The following NDUFS4 variants were observed in gnomAD, a reference collection of about 807,000 sequenced individuals.
NDUFS4 encodes the protein NADH dehydrogenase [ubiquinone] iron-sulfur protein 4, mitochondrial.
A neutral mutation model predicts 24.3 loss-of-function variants in NDUFS4; 28 were observed. The ratio of observed to expected loss-of-function variants is 1.15; its 90% CI spans 0.85 to 1.58. The LOEUF (loss-of-function observed/expected upper bound fraction) is 1.58, where lower values mean the gene tolerates loss of function less well. Among genes scored for constraint, NDUFS4 ranks in the 40% most tolerant of loss-of-function variants. The pLI, the probability that NDUFS4 is intolerant of heterozygous loss-of-function variation, is 0.00. For synonymous variants in NDUFS4, 93 were observed against 69.7 expected (o/e 1.34, Z -1.67); for missense variants, 223 against 207.9 (o/e 1.07, Z -0.45).
At chr5:53,572,058 A>G (rs916504951) in intron 1 of NDUFS4, among the ~76,000 whole-genome samples, 2 of 152,222 alleles carry the variant, frequency 1.3e-5, no homozygotes, top group African/African-American at 2.4e-5. Context: ...GGGAGCTTTC[A>G]TAAGGAGATA....
chr5:53,654,834 A>G (rs1430579645), intron 3 of NDUFS4, among the ~76,000 whole-genome samples: 1 of 152,156 alleles, frequency 6.6e-6, no homozygotes, highest in African/African-American at 2.4e-5. Flanking sequence ...TAATTTTTAC[A>G]TTGTATTGAT....
chr5:53,594,872 TTG>T (rs60887057), intron 1 of NDUFS4, among the ~76,000 whole-genome samples: 17,359 of 148,210 alleles, frequency 0.12, 1,123 homozygotes, highest in Admixed American at 0.21. Flanking sequence ...ATGTCTGTGT[TTG>T]TGTGTGTGTG....
intron 4 of NDUFS4, among the ~76,000 whole-genome samples, chr5:53,659,236 T>G (rs973574664): frequency 6.6e-6 from 1 of 152,160 alleles, no homozygotes; most frequent in Non-Finnish European, 1.5e-5. Flanking sequence ...GTTATGTTGA[T>G]CTTGCTATCA....
intron 4 of NDUFS4, among the ~76,000 whole-genome samples, chr5:53,675,878 T>A (rs879920127): frequency 9.2e-5 from 14 of 152,148 alleles, no homozygotes; most frequent in Admixed American, 2.6e-4. Flanking sequence ...GATTCACCTT[T>A]TAGAGCCAAG....
At chr5:53,610,747 A>T (rs1750669060) in intron 2 of NDUFS4, among the ~76,000 whole-genome samples, 1 of 152,056 alleles carries the variant, frequency 6.6e-6, no homozygotes, top group African/African-American at 2.4e-5. Flanking sequence ...CAGGGCTTTG[A>T]TTTATTTCAT....
chr5:53,592,805 TAAC>T (rs1217973506), intron 1 of NDUFS4, among the ~76,000 whole-genome samples: 6 of 152,212 alleles, frequency 3.9e-5, no homozygotes, highest in African/African-American at 1.2e-4. Context: ...AGTCGGGTAA[TAAC>T]AGTTTTCTGA....
At chr5:53,573,551 G>A in intron 1 of NDUFS4, 1 of 450,186 alleles carries the variant, frequency 2.2e-6, no homozygotes, top group Non-Finnish European at 4.4e-6. Flanking sequence ...ATTTGGGGGA[G>A]CTGTGGTAAA....
chr5:53,581,638 G>GGTGTTTAT (rs1460256504), intron 1 of NDUFS4, among the ~76,000 whole-genome samples: 5 of 151,992 alleles, frequency 3.3e-5, no homozygotes, highest in African/African-American at 1.2e-4. Context: ...AACACCCTTT[G>GGTGTTTAT]CCTATTTAAG....
chr5:53,683,235 A>C lies in NDUFS4; in HGVS notation c.*14A>C. On this transcript the variant is annotated 3_prime_UTR_variant, in exon 5 of 5. Transcript: ENST00000296684. The stretch of plus-strand genomic sequence containing the variant: ...TCCACAAAATAGGTTGGCACTGACT[A>C]TATCTCTGCTTGACTGTGAATAAAG... 6.5e-7 allele frequency: 1 copy of C among 1,532,764 alleles called. No homozygotes were observed. Among genetic ancestry groups the C allele is most frequent in the Non-Finnish European group, 9.0e-7 (1 of 1,106,604 alleles). The allele number at this position is 1,532,764 out of a possible 1,614,324, so 94.9% of individuals were successfully genotyped here.
At chr5:53,659,293 G>A (rs550875458) in intron 4 of NDUFS4, among the ~76,000 whole-genome samples, 2 of 152,202 alleles carry the variant, frequency 1.3e-5, no homozygotes, top group African/African-American at 4.8e-5. Flanking sequence ...CTGCTGTTAA[G>A]CCAACATAGT....
At chr5:53,594,084 A>G (rs1262505961) in intron 1 of NDUFS4, among the ~76,000 whole-genome samples, 1 of 152,148 alleles carries the variant, frequency 6.6e-6, no homozygotes, top group Admixed American at 6.5e-5. Context: ...GTTTACTTCA[A>G]CCATATTCTT....
chr5:53,648,017 G>T (rs1292345174), intron 3 of NDUFS4, among the ~76,000 whole-genome samples: 1 of 152,066 alleles, frequency 6.6e-6, no homozygotes, highest in Non-Finnish European at 1.5e-5. Context: ...TACTTCCACA[G>T]ATCTACAAAT....
intron 1 of NDUFS4, among the ~76,000 whole-genome samples, chr5:53,562,611 A>G (rs1748884600): frequency 6.6e-6 from 1 of 152,182 alleles, no homozygotes; most frequent in Non-Finnish European, 1.5e-5. Context: ...TTTAAATACA[A>G]ATTAACACAT....
At chr5:53,588,285 C>T (rs1749833308) in intron 1 of NDUFS4, among the ~76,000 whole-genome samples, 1 of 152,194 alleles carries the variant, frequency 6.6e-6, no homozygotes, top group South Asian at 2.1e-4. Context: ...CAGTGGGGTT[C>T]TCTTTCCTCT....
At chr5:53,625,812 A>G (rs575797907) in intron 2 of NDUFS4, among the ~76,000 whole-genome samples, 3 of 152,100 alleles carry the variant, frequency 2.0e-5, no homozygotes, top group African/African-American at 7.2e-5. Context: ...TTATAAACCT[A>G]CATCATTTCA....
chr5:53,592,652 CATT>C (rs1278192600), intron 1 of NDUFS4, among the ~76,000 whole-genome samples: 3 of 152,182 alleles, frequency 2.0e-5, no homozygotes, highest in African/African-American at 7.2e-5. Context: ...AAGAGACTGT[CATT>C]ATTGGATTGC....
At chr5:53,617,803 AC>A (rs1203264162) in intron 2 of NDUFS4, among the ~76,000 whole-genome samples, 2 of 152,242 alleles carry the variant, frequency 1.3e-5, no homozygotes, top group East Asian at 1.9e-4. Context: ...CTAGTGAGAT[AC>A]ATGGGATAAT....
intron 2 of NDUFS4, among the ~76,000 whole-genome samples, chr5:53,643,178 G>C (rs1054825931): frequency 6.6e-6 from 1 of 151,890 alleles, no homozygotes; most frequent in African/African-American, 2.4e-5. Flanking sequence ...CCAGCTTGAA[G>C]GCTTTTCATA....
chr5:53,667,357 C>G (rs1216093023), intron 4 of NDUFS4, among the ~76,000 whole-genome samples: 1 of 152,074 alleles, frequency 6.6e-6, no homozygotes. Flanking sequence ...CCCAGCTACT[C>G]AGGAGGCTGA....
Sources: gnomAD v4.1 joint callset for allele counts (sites outside exome capture counted in the v4.1 genomes callset) on GRCh38, gnomAD v4.1.1 for gene constraint, MANE v1.5 for transcripts, NCBI Gene and HGNC (gene_info 2026-07-23, HGNC 2026-07-21) for gene names.